CARMIL1: variants seen among roughly 807,000 people sequenced by gnomAD.
The protein encoded by CARMIL1 is F-actin-uncapping protein LRRC16A.
CARMIL1 carries 90 observed loss-of-function variants against 177.1 expected under a neutral mutation model. The ratio of observed to expected loss-of-function variants is 0.51; its 90% CI spans 0.43 to 0.61. The LOEUF (loss-of-function observed/expected upper bound fraction) is 0.61. Among genes scored for constraint, CARMIL1 ranks in the 20% least tolerant of loss-of-function variants. The pLI is 0.00. For missense variants in CARMIL1, 1,380 were observed against 1,667.0 expected, an observed-to-expected ratio of 0.83 and a Z score of 3.00; for synonymous variants, 577 against 606.2, an observed-to-expected ratio of 0.95 and a Z score of 0.71.
intron 2 of CARMIL1, among the ~76,000 whole-genome samples, chr6:25,296,858 T>TAAAG (rs1782398848): frequency 6.6e-6 from 1 of 152,106 alleles, no homozygotes; most frequent in Non-Finnish European, 1.5e-5. Flanking sequence ...GCACTTAGAG[T>TAAAG]ATTCCAGCTC....
In CARMIL1 at chr6:25,560,447, GTTTAAAAAGCC is replaced by G. The variant is rs532236120; in HGVS notation, c.2742+3600_2742+3610del. On this transcript the variant is annotated intron_variant, in intron 29 of 36. Transcript: ENST00000329474. The stretch of plus-strand genomic sequence containing the variant: ...TAACTGCAGGGCGGAAAATTAAATG[GTTTAAAAAGCC>G]TTCTTATTCATGTGCTTAACACTTA... 1.8e-3 allele frequency among the ~76,000 whole-genome samples: 280 copies of G among 152,018 alleles called. 1 individual carries two copies. Among genetic ancestry groups the G allele is most frequent in the South Asian group, 0.016 (75 of 4,792 alleles).
chr6:25,342,169 T>G (rs1212398372), intron 2 of CARMIL1, among the ~76,000 whole-genome samples: 1 of 152,184 alleles, frequency 6.6e-6, no homozygotes, highest in East Asian at 1.9e-4. Context: ...CAGGGGGTGA[T>G]TCGATCATTA....
intron 8 of CARMIL1, among the ~76,000 whole-genome samples, chr6:25,453,076 C>T (rs532850589): frequency 3.3e-5 from 5 of 152,054 alleles, no homozygotes; most frequent in Non-Finnish European, 5.9e-5. Flanking sequence ...ACATAGCTTT[C>T]AAGTATCTTC....
intron 17 of CARMIL1, chr6:25,507,591 G>A (rs1805036389): frequency 1.3e-5 from 2 of 152,458 alleles, no homozygotes; most frequent in African/African-American, 4.8e-5. Flanking sequence ...ATATCAGTAA[G>A]GAGTATGTAT....
intron 3 of CARMIL1, 137 bp from the exon 4 acceptor site, chr6:25,426,364 G>C: frequency 1.8e-6 from 1 of 542,356 alleles, no homozygotes; most frequent in Non-Finnish European, 3.3e-6. Flanking sequence ...CCCGCCTTCA[G>C]AAGATGCCCA....
intron 11 of CARMIL1, among the ~76,000 whole-genome samples, chr6:25,474,110 ATT>A (rs771204582): frequency 3.5e-5 from 5 of 142,712 alleles, no homozygotes; most frequent in Admixed American, 7.0e-5. Context: ...ATGAGTATTA[ATT>A]TTTTTTTTTT....
intron 16 of CARMIL1, among the ~76,000 whole-genome samples, 177 bp downstream of exon 16, chr6:25,495,392 G>A (rs2151007099): frequency 6.6e-6 from 1 of 152,162 alleles, no homozygotes; most frequent in East Asian, 1.9e-4. Flanking sequence ...GTGCACTATT[G>A]ATATTATTGC....
At position 25,399,430 on chromosome 6, in the gene CARMIL1, C is replaced by T. The variant is rs376676943; in HGVS notation, c.139-20684C>T. On this transcript the variant is annotated intron_variant, in intron 2 of 36. Transcript: ENST00000329474. Reference sequence around the variant, plus strand: ...GGAGACCCGAATGTTCTAAGTGTATCGTGGATGGTTTATGTTTGGTGACTG... The same window carrying T: ...GGAGACCCGAATGTTCTAAGTGTATTGTGGATGGTTTATGTTTGGTGACTG... Among the ~76,000 whole-genome samples, 156 of 152,180 alleles carry T rather than the reference C, an allele frequency of 1.0e-3. 1 individual carries two copies. Among genetic ancestry groups the T allele is most frequent in the African/African-American group, 3.6e-3 (149 of 41,534 alleles).
At chr6:25,380,436 A>G (rs1444987422) in intron 2 of CARMIL1, among the ~76,000 whole-genome samples, 1 of 152,206 alleles carries the variant, frequency 6.6e-6, no homozygotes, top group Non-Finnish European at 1.5e-5. Flanking sequence ...ATTTAAAGCA[A>G]TAGACAGTGG....
intron 2 of CARMIL1, among the ~76,000 whole-genome samples, chr6:25,408,962 G>T (rs1383067733): frequency 1.3e-5 from 2 of 152,156 alleles, no homozygotes; most frequent in South Asian, 2.1e-4. Flanking sequence ...GTCCAACAGA[G>T]TCTATTTCAT....
At chr6:25,556,265 T>C (rs1485656091) in intron 28 of CARMIL1, among the ~76,000 whole-genome samples, 3 of 152,206 alleles carry the variant, frequency 2.0e-5, no homozygotes, top group Non-Finnish European at 4.4e-5. Context: ...AATTAAGAAA[T>C]CATATCAAAT....
intron 2 of CARMIL1, chr6:25,350,918 G>A (rs1788049627): frequency 6.6e-6 from 1 of 152,196 alleles, no homozygotes; most frequent in Admixed American, 6.5e-5. Flanking sequence ...AAAGAATTGA[G>A]TGTAAGCTAC....
At chr6:25,600,261 T>C in intron 32 of CARMIL1, 53 bp from the exon 33 acceptor site, 1 of 1,484,758 alleles carries the variant, frequency 6.7e-7, no homozygotes, top group East Asian at 2.3e-5. Flanking sequence ...TGATTCTTGC[T>C]GGAACTTATT....
chr6:25,313,577 CCAGGG>C (rs1422107296), intron 2 of CARMIL1, among the ~76,000 whole-genome samples: 1 of 151,492 alleles, frequency 6.6e-6, no homozygotes, highest in Non-Finnish European at 1.5e-5. Context: ...AGGGGCAGGG[CCAGGG>C]CCACCGCTAA....
intron 8 of CARMIL1, among the ~76,000 whole-genome samples, chr6:25,459,265 T>TCTTTCTTTC (rs1562167771): frequency 1.7e-5 from 2 of 115,294 alleles, no homozygotes; most frequent in Non-Finnish European, 3.7e-5. Flanking sequence ...TTTCTTTCTT[T>TCTTTCTTTC]CTTTTTTTTT....
In CARMIL1 at chr6:25,509,697, T is replaced by A; in HGVS notation, c.1437T>A (p.Ala479=). The A allele has an allele frequency of 6.2e-7, 1 of 1,603,624 alleles. No individual in the cohort carries two copies. The highest frequency in any genetic ancestry group is 1.3e-5 in the African/African-American group (1 of 74,916). Reference sequence around the variant, plus strand: ...CTCAAGTATTAGAAGGTTGCATTGCTGAAATACACAACATCACCAGCTTAG... The same window carrying A: ...CTCAAGTATTAGAAGGTTGCATTGCAGAAATACACAACATCACCAGCTTAG... ...GGAQVLEGCI[A]EIHNITSLDI... Residue 479 remains alanine (A), a synonymous_variant, in exon 18 of 37, where the codon GCT becomes GCA. Coordinates refer to ENST00000329474, the MANE Select transcript of CARMIL1 (RefSeq NM_017640.6). This position sits in a 1 kb window ranked among gnomAD's most constrained non-coding sequence, Gnocchi z 4.1.
intron 29 of CARMIL1, among the ~76,000 whole-genome samples, chr6:25,572,206 A>G (rs972341839): frequency 5.3e-5 from 8 of 152,292 alleles, no homozygotes; most frequent in East Asian, 1.9e-4. Context: ...TGTTTGTGTT[A>G]GAGATAAGAA....
At chr6:25,416,157 G>T (rs1029605768) in intron 2 of CARMIL1, among the ~76,000 whole-genome samples, 12 of 152,114 alleles carry the variant, frequency 7.9e-5, no homozygotes, top group South Asian at 2.1e-4. Context: ...AGTAGGGATT[G>T]GTCCTTTTCC....
In CARMIL1 at chr6:25,620,070, A is replaced by C. The variant is rs1029584305; in HGVS notation, c.*487A>C. ...ATAGCAATTTATTCTTGATGTATGC[A>C]ATTGCACATTGTAATTATATTAACA... On this transcript the variant is annotated 3_prime_UTR_variant, in exon 37 of 37. Coordinates refer to ENST00000329474, the MANE Select transcript of CARMIL1 (RefSeq NM_017640.6). The C allele has an allele frequency of 6.5e-6, 1 of 152,776 alleles. No homozygotes were observed. Among genetic ancestry groups the C allele is most frequent in the Admixed American group, 6.5e-5 (1 of 15,296 alleles). 9.5% of individuals were successfully genotyped at this position (152,776 alleles called of 1,614,324 possible).
Sources: gnomAD v4.1 joint callset for allele counts (sites outside exome capture counted in the v4.1 genomes callset) on GRCh38, gnomAD v4.1.1 for gene constraint, Gnocchi (gnomAD v3.1) non-coding constraint, MANE v1.5 for transcripts, NCBI Gene and HGNC (gene_info 2026-07-23, HGNC 2026-07-21) for gene names.